APTX: variants seen among roughly 807,000 people sequenced by gnomAD.
APTX encodes the protein aprataxin.
A neutral mutation model predicts 42.3 loss-of-function variants in APTX; 33 were observed. The observed-to-expected ratio is 0.78, with a 90% CI of 0.59 to 1.04. The LOEUF is 1.04. APTX is among the 50% of genes least tolerant of loss of function. The pLI is 0.00. For missense variants in APTX, 421 were observed against 415.1 expected, an observed-to-expected ratio of 1.01 and a Z score of -0.12; for synonymous variants, 130 against 146.7, an observed-to-expected ratio of 0.89 and a Z score of 0.82.
At chr9:33,024,971 C>A (rs760094204) in intron 1 of APTX, 1 of 152,850 alleles carries the variant, frequency 6.5e-6, no homozygotes, top group Non-Finnish European at 1.5e-5. Context: ...AGGCGGCCAC[C>A]CCACAGGTTT....
chr9:33,005,023 G>A (rs1017093533), upstream of APTX, among the ~76,000 whole-genome samples: 2 of 152,070 alleles, frequency 1.3e-5, no homozygotes, highest in Admixed American at 6.5e-5. Flanking sequence ...TTTCCCTAAT[G>A]ATTAGTGATG....
chr9:33,017,452 G>A (rs1196246049), intron 1 of APTX, among the ~76,000 whole-genome samples: 1 of 148,594 alleles, frequency 6.7e-6, no homozygotes, highest in African/African-American at 2.4e-5. Flanking sequence ...TCACATGGCA[G>A]AAGGGACTCA....
Position 32,982,940 on chromosome 9 carries a change from CTTT to C in APTX, c.770+1688_770+1690del, listed in dbSNP as rs531575549. ...ACAATTCCATCTCCAAATATTTATT[CTTT>C]TTTTTTCTTCTTCTTTTTTGAGACA... On this transcript the variant is annotated intron_variant, in intron 6 of 7. Transcript: ENST00000379817. Among the ~76,000 whole-genome samples, 358 of 150,764 alleles carry C rather than the reference CTTT, an allele frequency of 2.4e-3. 2 individuals are homozygous for C. Among genetic ancestry groups the C allele is most frequent in the African/African-American group, 8.4e-3 (343 of 40,846 alleles).
chr9:32,999,714 G>T (rs886971092), intron 1 of APTX, among the ~76,000 whole-genome samples: 8 of 152,334 alleles, frequency 5.3e-5, no homozygotes, highest in Non-Finnish European at 1.0e-4. Flanking sequence ...GGTGGCTCAC[G>T]CCTGTAATCC....
At chr9:33,022,020 A>G (rs562827121) in intron 1 of APTX, among the ~76,000 whole-genome samples, 1 of 152,010 alleles carries the variant, frequency 6.6e-6, no homozygotes, top group African/African-American at 2.4e-5. Flanking sequence ...TAAACCTGGG[A>G]CAACAGATTT....
At chr9:33,007,082 A>C (rs989216838) in intron 1 of APTX, among the ~76,000 whole-genome samples, 21 of 152,104 alleles carry the variant, frequency 1.4e-4, no homozygotes, top group African/African-American at 4.6e-4. Flanking sequence ...TGAGTCCAGA[A>C]AGACAGAAAG....
chr9:33,008,771 C>T (rs998880620), intron 1 of APTX, among the ~76,000 whole-genome samples: 2 of 152,140 alleles, frequency 1.3e-5, no homozygotes, highest in African/African-American at 2.4e-5. Flanking sequence ...AGGCTGGTAT[C>T]GAACTCCTGA....
At chr9:32,979,247 T>C (rs140589529) in intron 6 of APTX, among the ~76,000 whole-genome samples, 3 of 152,162 alleles carry the variant, frequency 2.0e-5, no homozygotes, top group African/African-American at 4.8e-5. Context: ...TGTGTCCATG[T>C]GTGCTCCGTA....
rs577584897 is a variant in APTX at position 32,982,750 on chromosome 9, G to A, written c.770+1881C>T. 2.3e-3 allele frequency among the ~76,000 whole-genome samples: 347 copies of A among 152,262 alleles called. 2 individuals carry two copies. The highest frequency in any genetic ancestry group is 8.0e-3 in the African/African-American group (333 of 41,560). The stretch of plus-strand genomic sequence containing the variant: ...AAGGTATGGGCATCACGATCACTAC[G>A]TGAAAAGGGCTCAGTGGCCAAGGGC... On this transcript the variant is annotated intron_variant, in intron 6 of 7. Transcript: ENST00000379817.
intron 1 of APTX, among the ~76,000 whole-genome samples, chr9:32,991,181 C>T (rs1833531495): frequency 6.6e-6 from 1 of 152,172 alleles, no homozygotes; most frequent in South Asian, 2.1e-4. Context: ...CTGCCTCGGC[C>T]TCCCAAAGTG....
chr9:32,986,043 CAAA>C lies in APTX; in HGVS notation c.484-16_484-14del, dbSNP rs752438493. 1.0e-6 allele frequency: 1 copy of C among 985,240 alleles called. No individual in the cohort carries two copies. The highest frequency in any genetic ancestry group is 2.0e-5 in the African/African-American group (1 of 49,066). 61.0% of individuals were successfully genotyped at this position (985,240 alleles called of 1,614,324 possible). ...GGCCCAGGGATTCCTAAAAAAAAAA[CAAA>C]AAAAAAAACAAAAAAAAAAAAAAAC... On this transcript the variant is annotated splice_polypyrimidine_tract_variant and intron_variant, in intron 4 of 7. Coordinates refer to ENST00000379817, the MANE Select transcript of APTX (RefSeq NM_001195248.2).
intron 1 of APTX, among the ~76,000 whole-genome samples, chr9:33,015,252 G>A (rs140383543): frequency 3.7e-4 from 56 of 152,334 alleles, no homozygotes; most frequent in East Asian, 2.1e-3. Context: ...CAAATGCTAT[G>A]ATGGAAGTGT....
intron 1 of APTX, chr9:32,997,173 G>C (rs1835134299): frequency 6.6e-6 from 1 of 152,050 alleles, no homozygotes; most frequent in African/African-American, 2.4e-5. Context: ...TCTAGTACTG[G>C]GAATAAAGAG....
At chr9:32,997,914 G>A (rs1213331073) in intron 1 of APTX, among the ~76,000 whole-genome samples, 4 of 152,222 alleles carry the variant, frequency 2.6e-5, no homozygotes, top group Non-Finnish European at 5.9e-5. Context: ...AAGACCATCT[G>A]GGGGTGGAGG....
At chr9:33,000,844 T>TC (rs1491409553) in intron 1 of APTX, among the ~76,000 whole-genome samples, 1 of 129,218 alleles carries the variant, frequency 7.7e-6, no homozygotes, top group African/African-American at 2.8e-5. Context: ...TTTTTTTTTT[T>TC]CTTTTTTTTT....
At chr9:33,020,050 T>C in intron 1 of APTX, 2 of 396,422 alleles carry the variant, frequency 5.0e-6, no homozygotes, top group Admixed American at 8.9e-5. Context: ...TGCCGGGGTG[T>C]CCGCGCCCCC....
At chr9:33,019,815 G>A (rs934104821) in intron 1 of APTX, 20 of 634,808 alleles carry the variant, frequency 3.2e-5, no homozygotes, top group Non-Finnish European at 4.6e-5. Context: ...GCTTTCCAGC[G>A]GACGGCCAGG....
At chr9:33,009,500 G>C (rs1587642164) in intron 1 of APTX, among the ~76,000 whole-genome samples, 1 of 152,044 alleles carries the variant, frequency 6.6e-6, no homozygotes, top group African/African-American at 2.4e-5. Context: ...ACTGCAACTA[G>C]AGAAAATATT....
At chr9:33,001,661 AC>A, upstream of APTX, 1 of 1,606,442 alleles carries the variant, frequency 6.2e-7, no homozygotes. Context: ...CTGTATCGCG[AC>A]CAGTGACGTC....
Sources: gnomAD v4.1 joint callset for allele counts (sites outside exome capture counted in the v4.1 genomes callset) on GRCh38, gnomAD v4.1.1 for gene constraint, MANE v1.5 for transcripts, NCBI Gene and HGNC (gene_info 2026-07-23, HGNC 2026-07-21) for gene names.